CCDC171: variants seen among roughly 807,000 people sequenced by gnomAD.
The protein encoded by CCDC171 is coiled-coil domain containing 171.
In CCDC171, 177 loss-of-function variants were observed where a neutral mutation model predicts 168.2. The ratio of observed to expected loss-of-function variants is 1.05; its 90% confidence interval spans 0.93 to 1.19. The LOEUF (loss-of-function observed/expected upper bound fraction) is 1.19, where lower values mean the gene tolerates loss of function less well. Among genes scored for constraint, CCDC171 ranks in the 50% most tolerant of loss-of-function variants. CCDC171 has a pLI of 0.00. For synonymous variants in CCDC171, 687 were observed against 540.8 expected (o/e 1.27, Z -3.75); for missense variants, 1,991 against 1,539.0 (o/e 1.29, Z -4.91).
chr9:15,797,591 T>G (rs1276961253), intron 21 of CCDC171, among the ~76,000 whole-genome samples: 1 of 152,124 alleles, frequency 6.6e-6, no homozygotes, highest in East Asian at 1.9e-4. Flanking sequence ...CTATATAGAT[T>G]CTTTTTTCAC....
At chr9:15,725,899 A>T (rs2053770403) in intron 14 of CCDC171, among the ~76,000 whole-genome samples, 1 of 152,200 alleles carries the variant, frequency 6.6e-6, no homozygotes, top group African/African-American at 2.4e-5. Context: ...AGAGTTGCCT[A>T]CCCATTTATG....
chr9:15,770,145 T>C lies in CCDC171; in HGVS notation c.2672-7455T>C, dbSNP rs183700911. Among the ~76,000 whole-genome samples the C allele has an allele frequency of 1.7e-3, 262 of 152,352 alleles. 1 individual carries two copies. Among genetic ancestry groups the C allele is most frequent in the Non-Finnish European group, 2.7e-3 (181 of 68,018 alleles). The stretch of plus-strand genomic sequence containing the variant: ...TAATTATATTTGTAGCAGTAAATAC[T>C]ATATTTGTAAATCAGGACTTTTATC... On this transcript the variant is annotated intron_variant, in intron 18 of 25. Transcript: ENST00000380701.
chr9:15,907,758 A>T (rs1308918705), intron 24 of CCDC171, among the ~76,000 whole-genome samples: 2 of 152,254 alleles, frequency 1.3e-5, no homozygotes, highest in Non-Finnish European at 2.9e-5. Context: ...CAATCTAGTC[A>T]TCTGACAAAG....
chr9:15,845,128 A>G (rs2060839806), intron 21 of CCDC171, among the ~76,000 whole-genome samples: 1 of 152,030 alleles, frequency 6.6e-6, no homozygotes, highest in South Asian at 2.1e-4. Flanking sequence ...TTTAAAAGGA[A>G]CTCAAAAGGA....
At position 15,691,534 on chromosome 9, in the gene CCDC171, AAT is replaced by A. The variant is rs1205266718; in HGVS notation, c.1216-3696_1216-3695del. On this transcript the variant is annotated intron_variant, in intron 10 of 25. Coordinates refer to ENST00000380701, the MANE Select transcript of CCDC171 (RefSeq NM_173550.4). ...TATTTAATGATTAAAAATACCTGTA[AAT>A]ATATGTTTTTTATATATATATATAT... is the stretch of plus-strand genomic sequence containing the variant. Among the ~76,000 whole-genome samples the A allele has an allele frequency of 9.0e-3, 811 of 90,496 alleles. 8 individuals are homozygous for A. The highest frequency in any genetic ancestry group is 0.011 in the Non-Finnish European group (496 of 43,600). The allele number at this position is 90,496 out of a possible 152,430, so 59.4% of individuals were successfully genotyped here.
chr9:15,802,916 C>A lies in CCDC171; in HGVS notation c.3267+18222C>A, dbSNP rs574717250. ...TTTTTCTCAACAACCTTGCCAGCAT[C>A]TGTTGTTTTTTGAGTTTTTAGTAAT... On this transcript the variant is annotated intron_variant, in intron 21 of 25. Coordinates refer to ENST00000380701, the MANE Select transcript of CCDC171 (RefSeq NM_173550.4). 7.9e-4 allele frequency among the ~76,000 whole-genome samples: 120 copies of A among 152,174 alleles called. 3 individuals carry two copies. Among genetic ancestry groups the A allele is most frequent in the African/African-American group, 2.8e-3 (118 of 41,522 alleles).
intron 21 of CCDC171, among the ~76,000 whole-genome samples, chr9:15,825,868 G>C (rs1261126988): frequency 6.6e-6 from 1 of 152,150 alleles, no homozygotes; most frequent in African/African-American, 2.4e-5. Context: ...GCACCAAAAT[G>C]TGGTAGACAC....
chr9:15,792,943 A>G (rs1334445997), intron 21 of CCDC171, among the ~76,000 whole-genome samples: 3 of 152,222 alleles, frequency 2.0e-5, no homozygotes, highest in African/African-American at 7.2e-5. Context: ...AGCTAACATC[A>G]TAATGACAGG....
chr9:16,081,678 C>A, the CCDC171 span, among the ~76,000 whole-genome samples: 1 of 152,066 alleles, frequency 6.6e-6, no homozygotes, highest in Admixed American at 6.6e-5. Context: ...ATTGTTTGCA[C>A]CTCTGTGGGT....
intron 18 of CCDC171, among the ~76,000 whole-genome samples, chr9:15,765,329 G>C (rs1427021904): frequency 6.6e-6 from 1 of 152,062 alleles, no homozygotes; most frequent in Non-Finnish European, 1.5e-5. Flanking sequence ...AATTCAATGT[G>C]TTTGTGTGGT....
At chr9:15,867,858 G>A (rs1482290827) in intron 23 of CCDC171, among the ~76,000 whole-genome samples, 1 of 151,838 alleles carries the variant, frequency 6.6e-6, no homozygotes, top group Non-Finnish European at 1.5e-5. Context: ...TGGTTTTTTT[G>A]TTTGTTTAAA....
intron 6 of CCDC171, among the ~76,000 whole-genome samples, chr9:15,622,264 T>A (rs1318340583): frequency 6.6e-6 from 1 of 152,084 alleles, no homozygotes. Flanking sequence ...AACCTACACA[T>A]GTACCCATGA....
At position 15,648,316 on chromosome 9, in the gene CCDC171, C is replaced by T. The variant is rs546661080; in HGVS notation, c.823-8811C>T. 2.0e-5 allele frequency among the ~76,000 whole-genome samples: 3 copies of T among 152,288 alleles called. 1 individual carries two copies. In the South Asian group the frequency reaches 6.2e-4, roughly 32 times the overall value. On this transcript the variant is annotated intron_variant, in intron 7 of 25. Transcript: ENST00000380701. Reference sequence around the variant, plus strand: ...ATACTGAATGAGCAAAAACTGGAAGCATTCCCTTTGAAAACTGGCACAATC... The same window carrying T: ...ATACTGAATGAGCAAAAACTGGAAGTATTCCCTTTGAAAACTGGCACAATC...
intron 21 of CCDC171, among the ~76,000 whole-genome samples, chr9:15,809,914 T>C (rs1397722770): frequency 6.6e-6 from 1 of 152,092 alleles, no homozygotes; most frequent in African/African-American, 2.4e-5. Flanking sequence ...GATTGGTCCA[T>C]TTTACAGAGA....
At chr9:15,880,770 C>T (rs1053104736) in intron 24 of CCDC171, among the ~76,000 whole-genome samples, 2 of 152,014 alleles carry the variant, frequency 1.3e-5, no homozygotes, top group Non-Finnish European at 2.9e-5. Flanking sequence ...GCCACCACAC[C>T]CAGCCCAAAA....
chr9:15,618,675 G>A (rs755900942), intron 6 of CCDC171, among the ~76,000 whole-genome samples: 8 of 152,100 alleles, frequency 5.3e-5, no homozygotes, highest in Admixed American at 2.0e-4. Context: ...CCTGATCTGC[G>A]GATTGCAAAA....
In CCDC171 at chr9:15,692,770, A is replaced by C. The variant is rs1211305464; in HGVS notation, c.1216-2465A>C. Among the ~76,000 whole-genome samples, 4 of 151,318 alleles carry C rather than the reference A, an allele frequency of 2.6e-5. 1 individual carries two copies. Among genetic ancestry groups the C allele is most frequent in the Non-Finnish European group, 5.9e-5 (4 of 67,740 alleles). On this transcript the variant is annotated intron_variant, in intron 10 of 25. Transcript: ENST00000380701. ...TGTGGATCTCCTGACCTCGTGATCC[A>C]CGCGCCTCGGCCTCCCAAAGTGCTG...
chr9:15,786,957 T>C (rs921674456), intron 21 of CCDC171, among the ~76,000 whole-genome samples: 1 of 152,126 alleles, frequency 6.6e-6, no homozygotes, highest in Admixed American at 6.6e-5. Context: ...TCACTGATTC[T>C]CTTTTTGGAC....
chr9:15,920,992 A>G (rs1251402230), intron 25 of CCDC171, among the ~76,000 whole-genome samples: 1 of 151,642 alleles, frequency 6.6e-6, no homozygotes, highest in African/African-American at 2.4e-5. Flanking sequence ...TACTTGAAAT[A>G]TATTTTTGGG....
Sources: gnomAD v4.1 joint callset for allele counts (sites outside exome capture counted in the v4.1 genomes callset) on GRCh38, gnomAD v4.1.1 for gene constraint, MANE v1.5 for transcripts, NCBI Gene and HGNC (gene_info 2026-07-23, HGNC 2026-07-21) for gene names.